The following DLG2 variants were observed in gnomAD, a reference collection of about 807,000 sequenced individuals.
DLG2 encodes the protein disks large homolog 2.
Under a neutral mutation model 132.5 loss-of-function variants are expected in DLG2, and 45 were observed. The observed-to-expected ratio is 0.34, with a 90% CI of 0.27 to 0.44. The LOEUF is 0.44. Among genes scored for constraint, DLG2 ranks in the 20% least tolerant of loss-of-function variants. The pLI is 1.00. For missense variants in DLG2, 1,045 were observed against 1,196.9 expected, an observed-to-expected ratio of 0.87 and a Z score of 1.87; for synonymous variants, 424 against 419.6, an observed-to-expected ratio of 1.01 and a Z score of -0.13.
intron 9 of DLG2, among the ~76,000 whole-genome samples, chr11:84,135,860 C>T (rs2094581103): frequency 6.6e-6 from 1 of 152,054 alleles, no homozygotes; most frequent in South Asian, 2.1e-4. Flanking sequence ...GTGAGTAATA[C>T]ATTGTGGGGA....
intron 3 of DLG2, among the ~76,000 whole-genome samples, chr11:85,465,571 T>C (rs1352087793): frequency 6.6e-6 from 1 of 152,128 alleles, no homozygotes; most frequent in Non-Finnish European, 1.5e-5. Context: ...TTTTTTGTCC[T>C]TGCGATAGTT....
intron 14 of DLG2, among the ~76,000 whole-genome samples, chr11:83,946,568 G>A (rs2084011505): frequency 2.0e-5 from 3 of 151,966 alleles, no homozygotes; most frequent in South Asian, 2.1e-4. Context: ...TCACATTTTT[G>A]AATGACATTA....
chr11:85,355,372 T>C (rs2083612623), intron 3 of DLG2, among the ~76,000 whole-genome samples: 1 of 152,110 alleles, frequency 6.6e-6, no homozygotes, highest in African/African-American at 2.4e-5. Flanking sequence ...TTCTTTATAT[T>C]TTACTTTCTT....
intron 3 of DLG2, among the ~76,000 whole-genome samples, chr11:85,342,749 T>A (rs1596373428): frequency 6.6e-6 from 1 of 152,196 alleles, no homozygotes; most frequent in Non-Finnish European, 1.5e-5. Flanking sequence ...CATTGTACTA[T>A]GACATTACAA....
intron 4 of DLG2, among the ~76,000 whole-genome samples, chr11:85,209,321 T>C (rs2082099814): frequency 6.6e-6 from 1 of 151,964 alleles, no homozygotes; most frequent in African/African-American, 2.4e-5. Flanking sequence ...TGCCCCAGTA[T>C]AGATTCTTCT....
At chr11:85,411,395 G>A (rs2089298026) in intron 3 of DLG2, among the ~76,000 whole-genome samples, 1 of 151,808 alleles carries the variant, frequency 6.6e-6, no homozygotes, top group Non-Finnish European at 1.5e-5. Flanking sequence ...AAAGAACATA[G>A]ACATTATAAG....
chr11:83,727,437 G>A (rs534358202), intron 18 of DLG2, among the ~76,000 whole-genome samples: 1 of 152,104 alleles, frequency 6.6e-6, no homozygotes, highest in African/African-American at 2.4e-5. Flanking sequence ...AGGTTTATAG[G>A]GAAAACTCAG....
At position 84,038,645 on chromosome 11, in the gene DLG2, A is replaced by T. The variant is rs1157387525; in HGVS notation, c.919+20670T>A. ...CTACTGTTGTCAGTTACTTTTCAAG[A>T]TATTCCAGATATTATCCATATTCTA... On this transcript the variant is annotated intron_variant, in intron 11 of 27. Coordinates refer to ENST00000376104, the MANE Select transcript of DLG2 (RefSeq NM_001142699.3). Among the ~76,000 whole-genome samples the T allele has an allele frequency of 2.6e-5, 4 of 152,070 alleles. No individual in the cohort carries two copies. The East Asian group carries it at 5.8e-4, about 22-fold the overall frequency.
intron 6 of DLG2, among the ~76,000 whole-genome samples, chr11:84,688,708 C>G (rs961864759): frequency 6.6e-6 from 1 of 152,112 alleles, no homozygotes; most frequent in African/African-American, 2.4e-5. Context: ...AATGTGCATC[C>G]TACTCCATTT....
At chr11:84,615,818 T>TTAAAAAAAAAA (rs2099602984) in intron 6 of DLG2, among the ~76,000 whole-genome samples, 7 of 67,620 alleles carry the variant, frequency 1.0e-4, no homozygotes, top group African/African-American at 4.3e-4. Context: ...ACAAAAACGG[T>TTAAAAAAAAAA]AAAAAAAAAA....
intron 22 of DLG2, among the ~76,000 whole-genome samples, chr11:83,473,662 ACTTT>A (rs1314448517): frequency 6.6e-6 from 1 of 152,086 alleles, no homozygotes; most frequent in Non-Finnish European, 1.5e-5. Context: ...GTTGAAAAGA[ACTTT>A]CTGTCTACTA....
chr11:84,488,132 A>G (rs2154495152), intron 7 of DLG2, among the ~76,000 whole-genome samples: 1 of 152,306 alleles, frequency 6.6e-6, no homozygotes, highest in African/African-American at 2.4e-5. Context: ...GGTGTTGATA[A>G]CAACCAAAGG....
chr11:83,497,517 A>G (rs2138755647), intron 21 of DLG2, among the ~76,000 whole-genome samples: 1 of 150,734 alleles, frequency 6.6e-6, no homozygotes, highest in East Asian at 2.0e-4. Flanking sequence ...CCTGGGCAAC[A>G]CAGAGAGACT....
In DLG2 at chr11:83,753,795, G is replaced by GGCAT. The variant is rs1566830184; in HGVS notation, c.1825+32894_1825+32895insATGC. Among the ~76,000 whole-genome samples, 2 of 101,300 alleles carry GGCAT rather than the reference G, an allele frequency of 2.0e-5. 1 individual carries two copies. The highest frequency in any genetic ancestry group is 1.1e-4 in the African/African-American group (2 of 18,348). The allele number at this position is 101,300 out of a possible 152,430, so 66.5% of individuals were successfully genotyped here. A position where few individuals can be genotyped will look rare whatever the true frequency, so the allele number is the denominator to read the frequency against. ...TATGGCATATATATGTCATATATAT[G>GGCAT]ATATATCATATATATCATATATATA... On this transcript the variant is annotated intron_variant, in intron 18 of 27. Coordinates refer to ENST00000376104, the MANE Select transcript of DLG2 (RefSeq NM_001142699.3).
chr11:84,950,273 A>G (rs1452671521), intron 6 of DLG2, among the ~76,000 whole-genome samples: 5 of 152,164 alleles, frequency 3.3e-5, no homozygotes, highest in African/African-American at 1.2e-4. Flanking sequence ...ACTCCTAATT[A>G]TGAGAAGATT....
At chr11:83,732,309 G>A (rs973640136) in intron 18 of DLG2, among the ~76,000 whole-genome samples, 4 of 152,072 alleles carry the variant, frequency 2.6e-5, no homozygotes, top group African/African-American at 9.7e-5. Context: ...GTAATTTTGG[G>A]TAACATTCTC....
At chr11:85,054,219 C>T (rs1593305093) in intron 6 of DLG2, among the ~76,000 whole-genome samples, 2 of 149,458 alleles carry the variant, frequency 1.3e-5, no homozygotes, top group African/African-American at 2.5e-5. Context: ...GAGCCGAGAT[C>T]ATACCACTGC....
intron 6 of DLG2, among the ~76,000 whole-genome samples, chr11:84,778,995 C>G (rs928968178): frequency 3.3e-5 from 5 of 152,138 alleles, no homozygotes; most frequent in Admixed American, 3.3e-4. Flanking sequence ...CAGTGGTTTG[C>G]CAGGGGCTCT....
rs1053014838 is a variant in DLG2 at position 83,895,163 on chromosome 11, T to G, written c.1497-20675A>C. 4.4e-4 allele frequency among the ~76,000 whole-genome samples: 65 copies of G among 148,490 alleles called. No individual in the cohort carries two copies. In the South Asian group the frequency reaches 6.6e-3, roughly 15 times the overall value. ...CTACTGTCTTTTTTTTTTTTTTTTTTTTTTGGAGATGGAGTTCTGCTCTTG... is the reference window on the plus strand; with the variant it reads ...CTACTGTCTTTTTTTTTTTTTTTTTGTTTTGGAGATGGAGTTCTGCTCTTG... On this transcript the variant is annotated intron_variant, in intron 15 of 27. Transcript: ENST00000376104.
Sources: allele counts gnomAD v4.1 joint callset (sites outside exome capture counted in the v4.1 genomes callset), GRCh38; gene constraint gnomAD v4.1.1; transcripts MANE v1.5; gene names NCBI Gene and HGNC (gene_info 2026-07-23, HGNC 2026-07-21).